The following CERS3 variants were observed in gnomAD, a reference collection of about 807,000 sequenced individuals.
CERS3 encodes the protein ceramide synthase 3, also known as LAG1 homolog, ceramide synthase 3.
A neutral mutation model predicts 50.3 loss-of-function variants in CERS3; 33 were observed. The observed-to-expected ratio is 0.66, with a 90% CI of 0.50 to 0.88. CERS3 has a LOEUF of 0.88. Ranked by LOEUF, CERS3 falls within the 40% of genes least tolerant of loss-of-function variation. The pLI, the probability that CERS3 is intolerant of heterozygous loss-of-function variation, is 0.00. For missense variants in CERS3, 470 were observed against 460.3 expected, an observed-to-expected ratio of 1.02 and a Z score of -0.19; for synonymous variants, 176 against 155.2, an observed-to-expected ratio of 1.13 and a Z score of -0.99.
chr15:100,467,884 G>C lies in CERS3; in HGVS notation c.845+1494C>G, dbSNP rs199842667. On this transcript the variant is annotated intron_variant, in intron 10 of 11. Coordinates refer to ENST00000679737, the MANE Select transcript of CERS3 (RefSeq NM_001378789.1). ...ATAGATAGATAGATAGATAGATATA[G>C]ATATAGATATAGATATATTTAAAGA... Among the ~76,000 whole-genome samples the C allele has an allele frequency of 2.4e-4, 8 of 32,918 alleles. 2 individuals carry two copies. The highest frequency in any genetic ancestry group is 6.7e-4 in the Non-Finnish European group (7 of 10,438). The allele number at this position is 32,918 out of a possible 152,430, so 21.6% of individuals were successfully genotyped here.
intron 11 of CERS3, among the ~76,000 whole-genome samples, chr15:100,448,851 G>A (rs1350213124): frequency 6.6e-6 from 1 of 152,190 alleles, no homozygotes; most frequent in Non-Finnish European, 1.5e-5. Flanking sequence ...CAAGCCACTG[G>A]CAGTGACCCC....
At chr15:100,522,305 G>A (rs2036662236) in intron 1 of CERS3, among the ~76,000 whole-genome samples, 1 of 152,180 alleles carries the variant, frequency 6.6e-6, no homozygotes, top group African/African-American at 2.4e-5. Context: ...TTCCTTGGGA[G>A]AGATTTTTTG....
At chr15:100,409,581 G>A (rs184540011) in intron 11 of CERS3, among the ~76,000 whole-genome samples, 19 of 152,264 alleles carry the variant, frequency 1.2e-4, no homozygotes, top group Non-Finnish European at 1.0e-4. Flanking sequence ...AGGCATCTAC[G>A]TACTCACTAG....
intron 7 of CERS3, 40 bp downstream of exon 7, chr15:100,479,388 G>C: frequency 6.9e-7 from 1 of 1,449,028 alleles, no homozygotes; most frequent in Non-Finnish European, 9.6e-7. Flanking sequence ...AGGGATCTTG[G>C]TGTTCAAGTA....
chr15:100,439,664 T>A (rs1311757431), intron 11 of CERS3, among the ~76,000 whole-genome samples: 1 of 152,196 alleles, frequency 6.6e-6, no homozygotes, highest in Non-Finnish European at 1.5e-5. Context: ...CCGCTAGCCC[T>A]CTCCTCCCCT....
chr15:100,520,432 G>A (rs1195535864), intron 2 of CERS3, among the ~76,000 whole-genome samples: 1 of 152,158 alleles, frequency 6.6e-6, no homozygotes, highest in African/African-American at 2.4e-5. Context: ...GGGCTGTGTA[G>A]CCACCAGAGG....
At chr15:100,516,054 A>G (rs2036479725) in intron 2 of CERS3, among the ~76,000 whole-genome samples, 1 of 152,144 alleles carries the variant, frequency 6.6e-6, no homozygotes, top group African/African-American at 2.4e-5. Flanking sequence ...GCCTAAGGTT[A>G]GTCACCTGGT....
intron 8 of CERS3, among the ~76,000 whole-genome samples, chr15:100,475,375 A>T (rs1431328112): frequency 6.6e-6 from 1 of 152,364 alleles, no homozygotes; most frequent in African/African-American, 2.4e-5. Context: ...TTACCATACA[A>T]ATTTTGCTAC....
intron 11 of CERS3, among the ~76,000 whole-genome samples, chr15:100,404,668 G>T (rs372373748): frequency 3.9e-5 from 6 of 152,278 alleles, no homozygotes; most frequent in South Asian, 4.1e-4. Flanking sequence ...AATAGCTAAA[G>T]CAATTCTGAA....
At chr15:100,507,791 A>G (rs140231745) in intron 2 of CERS3, among the ~76,000 whole-genome samples, 1,686 of 152,328 alleles carry the variant, frequency 0.011, 54 homozygotes, top group Admixed American at 0.062. Flanking sequence ...GGAGCAGACA[A>G]TGCTATCCAG....
chr15:100,436,914 A>G (rs2033437274), intron 11 of CERS3, among the ~76,000 whole-genome samples: 1 of 151,262 alleles, frequency 6.6e-6, no homozygotes, highest in South Asian at 2.1e-4. Context: ...TGATGATCCT[A>G]TAGGAAGTAG....
chr15:100,439,568 C>A (rs1040759676), intron 11 of CERS3, among the ~76,000 whole-genome samples: 2 of 152,218 alleles, frequency 1.3e-5, no homozygotes, highest in South Asian at 2.1e-4. Flanking sequence ...GCCTTAGTAA[C>A]AATCAAATGC....
chr15:100,499,477 G>A (rs1320057113), intron 3 of CERS3, among the ~76,000 whole-genome samples: 12 of 152,212 alleles, frequency 7.9e-5, no homozygotes, highest in East Asian at 7.7e-4. Context: ...CTGCTTCTTT[G>A]TTTCTCATCT....
At chr15:100,514,193 G>A (rs948903141) in intron 2 of CERS3, among the ~76,000 whole-genome samples, 1 of 152,164 alleles carries the variant, frequency 6.6e-6, no homozygotes, top group Non-Finnish European at 1.5e-5. Flanking sequence ...GTGGGTAAAT[G>A]CTTGTAAATC....
chr15:100,418,307 G>A (rs948632388), intron 11 of CERS3, among the ~76,000 whole-genome samples: 14 of 151,978 alleles, frequency 9.2e-5, no homozygotes, highest in South Asian at 2.1e-4. Flanking sequence ...AAGCCGATGC[G>A]ATCAACTGGA....
upstream of CERS3, among the ~76,000 whole-genome samples, chr15:100,533,324 G>A (rs929887544): frequency 1.1e-4 from 16 of 152,078 alleles, no homozygotes; most frequent in Admixed American, 2.0e-4. Flanking sequence ...TTCGTCTGCC[G>A]TGTTCAGTGC....
intron 4 of CERS3, among the ~76,000 whole-genome samples, chr15:100,487,931 T>C (rs1429367135): frequency 6.6e-6 from 1 of 152,196 alleles, no homozygotes; most frequent in Non-Finnish European, 1.5e-5. Flanking sequence ...TTCATATATA[T>C]ATAATTATTT....
intron 11 of CERS3, among the ~76,000 whole-genome samples, chr15:100,442,317 A>C (rs1271772894): frequency 6.6e-6 from 1 of 152,198 alleles, no homozygotes; most frequent in Non-Finnish European, 1.5e-5. Flanking sequence ...TCCCAACATT[A>C]AATAAAACTC....
chr15:100,454,853 C>T (rs900871850), intron 11 of CERS3, among the ~76,000 whole-genome samples: 25 of 152,072 alleles, frequency 1.6e-4, no homozygotes, highest in African/African-American at 6.0e-4. Flanking sequence ...ATACAGGGAA[C>T]TCAAACAGCT....
Sources: gnomAD v4.1 joint callset for allele counts (sites outside exome capture counted in the v4.1 genomes callset) on GRCh38, gnomAD v4.1.1 for gene constraint, MANE v1.5 for transcripts, NCBI Gene and HGNC (gene_info 2026-07-23, HGNC 2026-07-21) for gene names.